The following FGF12 variants were observed in gnomAD, a reference collection of about 807,000 sequenced individuals.
The protein encoded by FGF12 is fibroblast growth factor 12.
Under a neutral mutation model 23.6 loss-of-function variants are expected in FGF12, and 14 were observed. The ratio of observed to expected loss-of-function variants is 0.59; its 90% CI spans 0.39 to 0.93. FGF12 has a LOEUF of 0.93. Ranked by LOEUF, FGF12 falls within the 40% of genes least tolerant of loss-of-function variation. The pLI, the probability that FGF12 is intolerant of heterozygous loss-of-function variation, is 0.00. For missense variants in FGF12, 175 were observed against 217.8 expected (o/e 0.80, Z 1.24); for synonymous variants, 62 against 77.3 (o/e 0.80, Z 1.04).
chr3:192,452,099 G>A (rs942741289), intron 2 of FGF12, among the ~76,000 whole-genome samples: 6 of 152,068 alleles, frequency 3.9e-5, no homozygotes, highest in African/African-American at 9.7e-5. Flanking sequence ...GAAAAGCATC[G>A]ATATTTAACC....
At chr3:192,268,013 T>A (rs975022461) in intron 4 of FGF12, among the ~76,000 whole-genome samples, 11 of 152,180 alleles carry the variant, frequency 7.2e-5, no homozygotes, top group African/African-American at 2.7e-4. Flanking sequence ...ATTCTTGTTC[T>A]CCCAAGGGAT....
chr3:192,405,435 T>G (rs938869461), intron 2 of FGF12, among the ~76,000 whole-genome samples: 1 of 151,218 alleles, frequency 6.6e-6, no homozygotes, highest in African/African-American at 2.5e-5. Context: ...ATTCACTTCC[T>G]AAGCCTCACT....
chr3:192,202,472 GC>G (rs1412669773), intron 4 of FGF12, among the ~76,000 whole-genome samples: 3 of 152,168 alleles, frequency 2.0e-5, no homozygotes, highest in African/African-American at 7.2e-5. Context: ...ATTAATGTAG[GC>G]AAAAACACTG....
chr3:192,224,266 T>C (rs1357648105), intron 4 of FGF12, among the ~76,000 whole-genome samples: 1 of 152,284 alleles, frequency 6.6e-6, no homozygotes, highest in East Asian at 1.9e-4. Flanking sequence ...ATGATGATAA[T>C]GACATACAAT....
At chr3:192,639,433 C>T (rs906514980) in intron 2 of FGF12, among the ~76,000 whole-genome samples, 1 of 152,230 alleles carries the variant, frequency 6.6e-6, no homozygotes, top group African/African-American at 2.4e-5. Flanking sequence ...CCACAAGACC[C>T]AGCAATCCCT....
chr3:192,600,699 C>T (rs892308165), intron 2 of FGF12, among the ~76,000 whole-genome samples: 5 of 151,926 alleles, frequency 3.3e-5, no homozygotes, highest in African/African-American at 1.2e-4. Flanking sequence ...GAAAAAAATG[C>T]TCAACATCAC....
At chr3:192,605,071 C>T (rs553251010) in intron 2 of FGF12, among the ~76,000 whole-genome samples, 1 of 152,100 alleles carries the variant, frequency 6.6e-6, no homozygotes, top group East Asian at 1.9e-4. Context: ...AGTGTAATAC[C>T]TCACACTATA....
At chr3:192,389,364 A>T (rs886161018) in intron 2 of FGF12, among the ~76,000 whole-genome samples, 3 of 152,224 alleles carry the variant, frequency 2.0e-5, no homozygotes, top group Non-Finnish European at 4.4e-5. Context: ...TCCATCTCAA[A>T]CAACGACAAT....
intron 2 of FGF12, among the ~76,000 whole-genome samples, chr3:192,670,633 T>C (rs902138605): frequency 6.6e-6 from 1 of 152,152 alleles, no homozygotes; most frequent in African/African-American, 2.4e-5. Flanking sequence ...ATGAGCACAA[T>C]AAATAGACCA....
intron 4 of FGF12, among the ~76,000 whole-genome samples, chr3:192,175,386 A>G (rs1244305672): frequency 6.6e-6 from 1 of 150,518 alleles, no homozygotes; most frequent in East Asian, 1.9e-4. Context: ...GCATCAGAGA[A>G]AACTTATAGA....
rs762930953 is a variant in FGF12 at position 192,158,393 on chromosome 3, C to T, written c.427+12065G>A. Among the ~76,000 whole-genome samples the T allele has an allele frequency of 2.7e-3, 213 of 79,196 alleles. 2 individuals are homozygous for T. The highest frequency in any genetic ancestry group is 0.015 in the African/African-American group (152 of 10,090). 52.0% of individuals were successfully genotyped at this position (79,196 alleles called of 152,430 possible). ...TTCTTTCTTTCTTTCTTTTCTTTCTCTCTCTTTCTTTTTCTTTCTTTCTCT... is the reference window on the plus strand; with the variant it reads ...TTCTTTCTTTCTTTCTTTTCTTTCTTTCTCTTTCTTTTTCTTTCTTTCTCT... On this transcript the variant is annotated intron_variant, in intron 5 of 5. Transcript: ENST00000445105.
chr3:192,216,681 T>A (rs1314720178), intron 4 of FGF12, among the ~76,000 whole-genome samples: 2 of 152,194 alleles, frequency 1.3e-5, no homozygotes, highest in African/African-American at 4.8e-5. Context: ...AGTTCTCTCA[T>A]TCCTTTTTCA....
intron 4 of FGF12, among the ~76,000 whole-genome samples, chr3:192,248,365 T>A (rs1018660530): frequency 6.6e-6 from 1 of 152,208 alleles, no homozygotes; most frequent in African/African-American, 2.4e-5. Context: ...CTTTCACCTA[T>A]CCTGACATCT....
intron 2 of FGF12, among the ~76,000 whole-genome samples, chr3:192,568,055 ACTC>A (rs369812991): frequency 1.9e-4 from 28 of 151,098 alleles, no homozygotes; most frequent in African/African-American, 6.6e-4. Context: ...CTGGTCTTGA[ACTC>A]CTGACCTCAG....
intron 5 of FGF12, among the ~76,000 whole-genome samples, chr3:192,146,268 G>GTT (rs1553841842): frequency 9.0e-5 from 6 of 66,480 alleles, no homozygotes; most frequent in South Asian, 5.2e-4. Flanking sequence ...TCATTAAAGT[G>GTT]TATATTTTTT....
chr3:192,691,822 C>T (rs538118981), intron 2 of FGF12, among the ~76,000 whole-genome samples: 16 of 151,216 alleles, frequency 1.1e-4, no homozygotes, highest in South Asian at 2.1e-4. Context: ...AGATAAAAAA[C>T]GAAAGTGGAA....
At chr3:192,380,322 A>C (rs1410054810) in intron 2 of FGF12, among the ~76,000 whole-genome samples, 1 of 152,180 alleles carries the variant, frequency 6.6e-6, no homozygotes, top group Non-Finnish European at 1.5e-5. Flanking sequence ...TCTAGACTTA[A>C]TATTGGTTGT....
chr3:192,704,020 T>C (rs1718386570), intron 2 of FGF12, among the ~76,000 whole-genome samples: 3 of 152,198 alleles, frequency 2.0e-5, no homozygotes, highest in Admixed American at 1.3e-4. Context: ...AAGTTATTCA[T>C]GAGGATTGAA....
intron 2 of FGF12, among the ~76,000 whole-genome samples, chr3:192,706,470 C>T (rs1323363102): frequency 3.3e-5 from 5 of 152,168 alleles, no homozygotes; most frequent in South Asian, 4.2e-4. Context: ...CCAGATCACC[C>T]GGCTCCCCGC....
Sources: gnomAD v4.1 joint callset for allele counts (sites outside exome capture counted in the v4.1 genomes callset) on GRCh38, gnomAD v4.1.1 for gene constraint, MANE v1.5 for transcripts, NCBI Gene and HGNC (gene_info 2026-07-23, HGNC 2026-07-21) for gene names.